ATP13A4: variants seen among roughly 807,000 people sequenced by gnomAD.
ATP13A4 encodes probable cation-transporting ATPase 13A4.
A neutral mutation model predicts 142.5 loss-of-function variants in ATP13A4; 114 were observed. That is an observed-to-expected ratio of 0.80 (90% CI 0.69 to 0.93). The LOEUF (loss-of-function observed/expected upper bound fraction) is 0.93. Among genes scored for constraint, ATP13A4 ranks in the 40% least tolerant of loss-of-function variants. The pLI is 0.00. For synonymous variants in ATP13A4, 488 were observed against 514.8 expected, an observed-to-expected ratio of 0.95 and a Z score of 0.70; for missense variants, 1,392 against 1,454.0, an observed-to-expected ratio of 0.96 and a Z score of 0.69.
At chr3:193,546,103 A>G (rs1469515843) in intron 1 of ATP13A4, among the ~76,000 whole-genome samples, 2 of 151,696 alleles carry the variant, frequency 1.3e-5, no homozygotes, top group Admixed American at 6.6e-5. Flanking sequence ...AACTGGCCCA[A>G]TTGTCTCATA....
chr3:193,447,607 A>G (rs1717029068), intron 18 of ATP13A4, among the ~76,000 whole-genome samples: 1 of 152,208 alleles, frequency 6.6e-6, no homozygotes, highest in Non-Finnish European at 1.5e-5. Context: ...AAATTATAGC[A>G]TCAGTGTGAA....
intron 2 of ATP13A4, among the ~76,000 whole-genome samples, chr3:193,572,558 G>T (rs186719809): frequency 6.6e-6 from 1 of 152,240 alleles, no homozygotes; most frequent in African/African-American, 2.4e-5. Context: ...TTAGTGGGAC[G>T]CCTCTGCCCC....
intron 1 of ATP13A4, among the ~76,000 whole-genome samples, chr3:193,526,418 G>C (rs1406645354): frequency 6.6e-6 from 1 of 152,122 alleles, no homozygotes; most frequent in Non-Finnish European, 1.5e-5. Context: ...TGCACACAGG[G>C]AGGGGAACAA....
intron 26 of ATP13A4, among the ~76,000 whole-genome samples, chr3:193,412,677 C>T (rs1410393500): frequency 6.6e-6 from 1 of 152,066 alleles, no homozygotes; most frequent in Non-Finnish European, 1.5e-5. Context: ...TATGCACATT[C>T]ATTAAGGCTA....
At chr3:193,556,785 T>TA (rs1007241416), upstream of ATP13A4, among the ~76,000 whole-genome samples, 36 of 152,204 alleles carry the variant, frequency 2.4e-4, no homozygotes, top group African/African-American at 8.4e-4. Flanking sequence ...CATACCTCAA[T>TA]AAAAAATTAT....
At chr3:193,431,386 AC>A (rs1348869780) in intron 25 of ATP13A4, among the ~76,000 whole-genome samples, 1 of 152,006 alleles carries the variant, frequency 6.6e-6, no homozygotes, top group Admixed American at 6.6e-5. Context: ...CTTTGGATGG[AC>A]ATCAAGGCTG....
At chr3:193,554,202 A>C (rs1723758730) in intron 1 of ATP13A4, 1 of 160,200 alleles carries the variant, frequency 6.2e-6, no homozygotes, top group South Asian at 1.7e-4. Flanking sequence ...CAAAAGTAAA[A>C]TTCTAGAAGA....
chr3:193,576,304 G>A (rs978252913), intron 2 of ATP13A4, among the ~76,000 whole-genome samples: 3 of 111,042 alleles, frequency 2.7e-5, no homozygotes, highest in Non-Finnish European at 4.9e-5. Flanking sequence ...TCGCTCTGTC[G>A]CCCAGGCCGG....
intron 1 of ATP13A4, among the ~76,000 whole-genome samples, chr3:193,516,321 G>A (rs111282031): frequency 4.6e-5 from 7 of 152,162 alleles, no homozygotes; most frequent in African/African-American, 1.2e-4. Flanking sequence ...TACAGGTGCC[G>A]AATGGCTTTC....
At chr3:193,573,311 A>ATATATATATATTCTTATATATATG (rs1560287398) in intron 2 of ATP13A4, among the ~76,000 whole-genome samples, 1 of 137,544 alleles carries the variant, frequency 7.3e-6, no homozygotes, top group African/African-American at 2.8e-5. Context: ...ATATATACAT[A>ATATATATATATTCTTATATATATG]TATATATATA....
At chr3:193,521,984 A>C (rs532718761) in intron 1 of ATP13A4, among the ~76,000 whole-genome samples, 1 of 152,210 alleles carries the variant, frequency 6.6e-6, no homozygotes, top group African/African-American at 2.4e-5. Flanking sequence ...CTGCACCTCC[A>C]TCTTTCCCCC....
At chr3:193,566,119 G>A (rs2108738914) in intron 2 of ATP13A4, among the ~76,000 whole-genome samples, 1 of 152,240 alleles carries the variant, frequency 6.6e-6, no homozygotes, top group East Asian at 1.9e-4. Context: ...AGGCCAAAGG[G>A]CTTTCTTTCT....
At chr3:193,476,993 C>T (rs571121323) in intron 8 of ATP13A4, among the ~76,000 whole-genome samples, 2 of 152,086 alleles carry the variant, frequency 1.3e-5, no homozygotes, top group East Asian at 1.9e-4. Flanking sequence ...GAAGACAGCA[C>T]ACGCTTTTAG....
Position 193,514,741 on chromosome 3 carries a change from G to C in ATP13A4, c.191C>G (p.Pro64Arg). 6.2e-7 allele frequency: 1 copy of C among 1,614,156 alleles called. No homozygotes were observed. The highest frequency in any genetic ancestry group is 1.1e-5 in the South Asian group (1 of 91,078). Residue 64 changes from proline to arginine, a missense_variant, in exon 2 of 30, where the codon CCA becomes CGA. Transcript: ENST00000342695. ...AGTGTCTGCTTCTTGCAAGGAACAT[G>C]GGACACAATGTGCCCATACGTGCCA... ...PAWHVWAHCV[P>R]CSLQEADTVL...
Position 193,399,678 on chromosome 3 carries a change from C to T in ATP13A4, c.*2974G>A, listed in dbSNP as rs1226473952. Among the ~76,000 whole-genome samples, 1 of 151,910 alleles carries T rather than the reference C, an allele frequency of 6.6e-6. No individual in the cohort carries two copies. Among genetic ancestry groups the T allele is most frequent in the Non-Finnish European group, 1.5e-5 (1 of 67,964 alleles). The stretch of plus-strand genomic sequence containing the variant: ...CCTGGCTAACATGATGAAACCCCAT[C>T]TCTACTAAAAATACAAAAAATTAGC... On this transcript the variant is annotated 3_prime_UTR_variant, in exon 30 of 30. Coordinates refer to ENST00000342695, the MANE Select transcript of ATP13A4 (RefSeq NM_032279.4).
chr3:193,471,109 A>C, intron 8 of ATP13A4, 116 bp from the exon 9 acceptor site: 2 of 1,375,534 alleles, frequency 1.5e-6, no homozygotes, highest in Non-Finnish European at 2.1e-6. Context: ...TTTTTTAGAA[A>C]GGAGAACATT....
rs761719168 is a variant in ATP13A4, at chr3:193,401,306, T to C, written c.*1346A>G. 2.0e-4 allele frequency among the ~76,000 whole-genome samples: 30 copies of C among 152,136 alleles called. No homozygotes were observed. Among genetic ancestry groups the C allele is most frequent in the Non-Finnish European group, 3.8e-4 (26 of 68,022 alleles). On this transcript the variant is annotated 3_prime_UTR_variant, in exon 30 of 30. Coordinates refer to ENST00000342695, the MANE Select transcript of ATP13A4 (RefSeq NM_032279.4). ...AGGTAACAGAAACCTGAGTCTTCCTTGTGCTGAACAAATCAAATATAACCA... is the reference window on the plus strand; with the variant it reads ...AGGTAACAGAAACCTGAGTCTTCCTCGTGCTGAACAAATCAAATATAACCA...
chr3:193,568,783 G>A (rs1724196066), intron 2 of ATP13A4, among the ~76,000 whole-genome samples: 1 of 151,996 alleles, frequency 6.6e-6, no homozygotes, highest in Non-Finnish European at 1.5e-5. Flanking sequence ...GGGTCAAATG[G>A]GTACAAGAGA....
chr3:193,407,480 G>A, intron 28 of ATP13A4, 87 bp from the exon 29 acceptor site: 6 of 1,056,624 alleles, frequency 5.7e-6, no homozygotes, highest in Non-Finnish European at 8.7e-6. Context: ...TATTTTCCTA[G>A]GTTATAAATC....
Sources: gnomAD v4.1 joint callset for allele counts (sites outside exome capture counted in the v4.1 genomes callset) on GRCh38, gnomAD v4.1.1 for gene constraint, MANE v1.5 for transcripts, NCBI Gene and HGNC (gene_info 2026-07-23, HGNC 2026-07-21) for gene names.